The following ZNF704 variants were observed in gnomAD, a reference collection of about 807,000 sequenced individuals.
ZNF704 encodes zinc finger protein 704.
Under a neutral mutation model 44.7 loss-of-function variants are expected in ZNF704, and 10 were observed. The observed-to-expected ratio is 0.22, with a 90% CI of 0.14 to 0.38. The LOEUF is 0.38. ZNF704 is among the 10% of genes least tolerant of loss of function. ZNF704 has a pLI of 1.00. For missense variants in ZNF704, 390 were observed against 545.5 expected, an observed-to-expected ratio of 0.71 and a Z score of 2.84; for synonymous variants, 211 against 207.6, an observed-to-expected ratio of 1.02 and a Z score of -0.14.
At chr8:80,732,978 AC>A (rs1806607597) in intron 2 of ZNF704, among the ~76,000 whole-genome samples, 1 of 150,720 alleles carries the variant, frequency 6.6e-6, no homozygotes, top group Non-Finnish European at 1.5e-5. Context: ...AAAAAAGAGA[AC>A]CAGCCAAATT....
upstream of ZNF704, among the ~76,000 whole-genome samples, chr8:80,879,606 T>G (rs915358711): frequency 9.2e-5 from 14 of 152,180 alleles, no homozygotes; most frequent in Non-Finnish European, 1.8e-4. Context: ...ACCCTTAATT[T>G]CATGAGCCTT....
chr8:80,786,188 G>C (rs1807611149), intron 2 of ZNF704, among the ~76,000 whole-genome samples: 1 of 152,132 alleles, frequency 6.6e-6, no homozygotes, highest in African/African-American at 2.4e-5. Context: ...ACTTATGCCT[G>C]GGAGGCCGCG....
At chr8:80,829,391 A>G (rs1808431790) in intron 1 of ZNF704, among the ~76,000 whole-genome samples, 1 of 152,198 alleles carries the variant, frequency 6.6e-6, no homozygotes, top group South Asian at 2.1e-4. Flanking sequence ...CAGGGATAAA[A>G]AAAGAAAACA....
chr8:80,646,915 A>G (rs559183236), intron 7 of ZNF704, among the ~76,000 whole-genome samples: 134 of 152,354 alleles, frequency 8.8e-4, no homozygotes, highest in South Asian at 2.1e-3. Context: ...AGAGAACTGG[A>G]AAAGTTTGGT....
rs535987183 is a variant in ZNF704 at position 80,654,196 on chromosome 8, G to C, written c.1032+5389C>G. Among the ~76,000 whole-genome samples the C allele has an allele frequency of 3.9e-5, 6 of 152,110 alleles. No homozygotes were observed. In the South Asian group the frequency reaches 1.2e-3, roughly 32 times the overall value. The stretch of plus-strand genomic sequence containing the variant: ...CCTTATACAAAAATTAATTCAAGAT[G>C]GATTAAAGACTTAAATGTTAGACCT... On this transcript the variant is annotated intron_variant, in intron 7 of 8. Coordinates refer to ENST00000327835, the MANE Select transcript of ZNF704 (RefSeq NM_001033723.3).
At chr8:80,786,942 G>T (rs763728176) in intron 2 of ZNF704, among the ~76,000 whole-genome samples, 17 of 152,152 alleles carry the variant, frequency 1.1e-4, no homozygotes, top group Non-Finnish European at 1.9e-4. Flanking sequence ...TATACAAAAA[G>T]AATACATTTT....
At chr8:80,675,036 C>T (rs1818341855) in intron 4 of ZNF704, among the ~76,000 whole-genome samples, 1 of 152,156 alleles carries the variant, frequency 6.6e-6, no homozygotes, top group Admixed American at 6.5e-5. Context: ...ATTCTACGTT[C>T]TGGGGATAGA....
chr8:80,856,496 G>A (rs1049951972), intron 1 of ZNF704, among the ~76,000 whole-genome samples: 4 of 152,198 alleles, frequency 2.6e-5, no homozygotes, highest in Middle Eastern at 3.4e-3. Flanking sequence ...GTAAGTTTTA[G>A]CTTTTACATT....
chr8:80,635,027 A>C lies in ZNF704; in HGVS notation c.*6339T>G, dbSNP rs1434207612. 6.6e-6 allele frequency: 1 copy of C among 152,180 alleles called. No individual in the cohort carries two copies. Among genetic ancestry groups the C allele is most frequent in the Non-Finnish European group, 1.5e-5 (1 of 68,038 alleles). 9.4% of individuals were successfully genotyped at this position (152,180 alleles called of 1,614,324 possible). A position where few individuals can be genotyped will look rare whatever the true frequency, so the allele number is the denominator to read the frequency against. On this transcript the variant is annotated 3_prime_UTR_variant, in exon 9 of 9. Coordinates refer to ENST00000327835, the MANE Select transcript of ZNF704 (RefSeq NM_001033723.3). ...GTGCAGATTCTAAAGCCTATTTGAA[A>C]CCAAGGTCTGAGTGACCTTCTGACC...
chr8:80,654,042 T>A (rs1817967481), intron 7 of ZNF704, among the ~76,000 whole-genome samples: 1 of 152,162 alleles, frequency 6.6e-6, no homozygotes, highest in African/African-American at 2.4e-5. Context: ...GCCACATATC[T>A]ACAATTATCT....
At chr8:80,808,789 T>G (rs1004606259) in intron 2 of ZNF704, among the ~76,000 whole-genome samples, 10 of 152,226 alleles carry the variant, frequency 6.6e-5, no homozygotes, top group African/African-American at 4.8e-5. Context: ...GAAAACCACA[T>G]AATGTATTTA....
chr8:80,791,623 C>T lies in ZNF704; in HGVS notation c.221+29751G>A, dbSNP rs551772454. 3.3e-5 allele frequency among the ~76,000 whole-genome samples: 5 copies of T among 152,266 alleles called. No individual in the cohort carries two copies. In the South Asian group the frequency reaches 1.0e-3, roughly 32 times the overall value. ...CTTCCAAAAGTGACTCCTACCTATA[C>T]ACAGCAAAACACTTCCTTACTCTGT... On this transcript the variant is annotated intron_variant, in intron 2 of 8. Transcript: ENST00000327835.
chr8:80,866,634 G>T (rs1809158922), intron 1 of ZNF704, among the ~76,000 whole-genome samples: 1 of 152,190 alleles, frequency 6.6e-6, no homozygotes, highest in African/African-American at 2.4e-5. Context: ...AAGGCTGATT[G>T]TTTCAGGAAC....
rs540119008 is a variant in ZNF704, at chr8:80,634,963, A to C, written c.*6403T>G. ...CAAAGACTAGGAGCCAAGCCTGTACATGGCTTTCCCTAACTCTGTGCATTT... is the reference window on the plus strand; with the variant it reads ...CAAAGACTAGGAGCCAAGCCTGTACCTGGCTTTCCCTAACTCTGTGCATTT... On this transcript the variant is annotated 3_prime_UTR_variant, in exon 9 of 9. Coordinates refer to ENST00000327835, the MANE Select transcript of ZNF704 (RefSeq NM_001033723.3). The C allele has an allele frequency of 6.6e-6, 1 of 152,308 alleles. No individual in the cohort carries two copies. The highest frequency in any genetic ancestry group is 1.9e-4 in the East Asian group (1 of 5,176). 9.4% of individuals were successfully genotyped at this position (152,308 alleles called of 1,614,324 possible).
At chr8:80,870,544 C>T (rs1319129962) in intron 1 of ZNF704, among the ~76,000 whole-genome samples, 4 of 152,204 alleles carry the variant, frequency 2.6e-5, no homozygotes, top group Non-Finnish European at 5.9e-5. Context: ...GCATTCAATA[C>T]AGTTCATTAC....
intron 2 of ZNF704, among the ~76,000 whole-genome samples, chr8:80,745,158 T>A (rs1047661527): frequency 1.3e-5 from 2 of 152,218 alleles, no homozygotes; most frequent in Non-Finnish European, 2.9e-5. Flanking sequence ...AATATAGGTA[T>A]CAGTGTCTCA....
intron 4 of ZNF704, among the ~76,000 whole-genome samples, chr8:80,677,410 C>A (rs1187540359): frequency 6.6e-6 from 1 of 152,154 alleles, no homozygotes; most frequent in Non-Finnish European, 1.5e-5. Flanking sequence ...CCATAATTTT[C>A]ATTTGTTACT....
chr8:80,684,713 A>C, intron 4 of ZNF704, among the ~76,000 whole-genome samples: 1 of 152,160 alleles, frequency 6.6e-6, no homozygotes, highest in East Asian at 1.9e-4. Flanking sequence ...AGCATTTACC[A>C]CTTGTAATTA....
chr8:80,836,497 G>T (rs1271706189), intron 1 of ZNF704, among the ~76,000 whole-genome samples: 1 of 152,130 alleles, frequency 6.6e-6, no homozygotes, highest in Admixed American at 6.5e-5. Context: ...TATCATTCTA[G>T]CCAGGTGTGG....
Sources: allele counts gnomAD v4.1 joint callset (sites outside exome capture counted in the v4.1 genomes callset), GRCh38; gene constraint gnomAD v4.1.1; transcripts MANE v1.5; gene names NCBI Gene and HGNC (gene_info 2026-07-23, HGNC 2026-07-21).